The following NALCN variants were observed in gnomAD, a reference collection of about 807,000 sequenced individuals.
NALCN encodes sodium leak channel NALCN.
In NALCN, 111 loss-of-function variants were observed where a neutral mutation model predicts 225.3. The ratio of observed to expected loss-of-function variants is 0.49; its 90% CI spans 0.42 to 0.58. NALCN has a LOEUF of 0.58. NALCN is among the 20% of genes least tolerant of loss of function. The pLI, the probability that NALCN is intolerant of heterozygous loss-of-function variation, is 0.00. For synonymous variants in NALCN, 764 were observed against 769.0 expected (o/e 0.99, Z 0.11); for missense variants, 1,378 against 2,202.4 (o/e 0.63, Z 7.49).
rs765117180 is a variant in NALCN at position 101,107,784 on chromosome 13, G to A, written c.2370C>T (p.Ser790=). Residue 790 remains serine, a synonymous_variant, in exon 21 of 44, where the codon TCC becomes TCT. Transcript: ENST00000251127. ...GTGCATTTCTATATCTCACTGTATT[G>A]GAATGCTAGAAATAAATTAACAGGG... ...KSLETLTQDH[S]NTVRYRNAQR... The A allele has an allele frequency of 8.1e-6, 13 of 1,609,424 alleles. No homozygotes were observed. The highest frequency in any genetic ancestry group is 1.1e-5 in the Non-Finnish European group (13 of 1,178,446).
intron 15 of NALCN, among the ~76,000 whole-genome samples, chr13:101,154,855 G>A (rs2037828215): frequency 6.6e-6 from 1 of 152,212 alleles, no homozygotes; most frequent in African/African-American, 2.4e-5. Flanking sequence ...TACTGGCAAA[G>A]ATGAAAGAGG....
chr13:101,090,630 C>T (rs1270804142), intron 28 of NALCN, among the ~76,000 whole-genome samples: 1 of 152,142 alleles, frequency 6.6e-6, no homozygotes, highest in African/African-American at 2.4e-5. Context: ...TCTCAGTGGA[C>T]TCTTAGTCTG....
intron 26 of NALCN, 72 bp from the exon 27 acceptor site, chr13:101,100,960 T>C (rs1217034785): frequency 6.9e-6 from 8 of 1,156,246 alleles, no homozygotes; most frequent in South Asian, 6.5e-5. Context: ...AACAGTGACA[T>C]AAATAGGACT....
At chr13:101,259,995 A>T (rs532505469) in intron 10 of NALCN, among the ~76,000 whole-genome samples, 17 of 151,180 alleles carry the variant, frequency 1.1e-4, no homozygotes, top group African/African-American at 4.1e-4. Context: ...TTTTGTTCCC[A>T]TTAACCATCC....
chr13:101,082,902 A>G lies in NALCN; in HGVS notation c.3691-19T>C. On this transcript the variant is annotated intron_variant, in intron 32 of 43. Transcript: ENST00000251127. The stretch of plus-strand genomic sequence containing the variant: ...CGTCCCACTGCAACAGAAACAGCAC[A>G]CGAGTCGTTGCCCACGTCCATCGGA... The G allele has an allele frequency of 6.2e-7, 1 of 1,613,916 alleles. No individual in the cohort carries two copies. The highest frequency in any genetic ancestry group is 1.7e-5 in the Admixed American group (1 of 60,020).
At chr13:101,130,885 G>GT (rs1158943340) in intron 17 of NALCN, among the ~76,000 whole-genome samples, 2 of 151,980 alleles carry the variant, frequency 1.3e-5, no homozygotes, top group African/African-American at 4.8e-5. Context: ...ATCTTTTTAT[G>GT]TTTCAGAAAA....
At chr13:101,133,898 G>A (rs1432448531) in intron 17 of NALCN, among the ~76,000 whole-genome samples, 2 of 152,124 alleles carry the variant, frequency 1.3e-5, no homozygotes, top group Admixed American at 1.3e-4. Flanking sequence ...GGCCAGGTGC[G>A]GTGGCTCACG....
intron 6 of NALCN, among the ~76,000 whole-genome samples, chr13:101,371,820 G>T (rs769861749): frequency 6.6e-6 from 1 of 152,104 alleles, no homozygotes; most frequent in Non-Finnish European, 1.5e-5. Context: ...TACGCTCTTA[G>T]TACTGGGCTT....
rs184311433 is a variant in NALCN, at chr13:101,262,626, C to A, written c.1135-4052G>T. ...CAGCTCAAAGAGCTATTTTCCTTAGCTGTGGATTTATGTCTTAAGCAAACT... is the reference window on the plus strand; with the variant it reads ...CAGCTCAAAGAGCTATTTTCCTTAGATGTGGATTTATGTCTTAAGCAAACT... On this transcript the variant is annotated intron_variant, in intron 10 of 43. Coordinates refer to ENST00000251127, the MANE Select transcript of NALCN (RefSeq NM_052867.4). 8.5e-5 allele frequency among the ~76,000 whole-genome samples: 13 copies of A among 152,284 alleles called. No homozygotes were observed. The East Asian group carries it at 1.9e-3, about 23-fold the overall frequency.
chr13:101,063,953 T>C (rs2032164258), intron 40 of NALCN, among the ~76,000 whole-genome samples: 1 of 152,198 alleles, frequency 6.6e-6, no homozygotes, highest in South Asian at 2.1e-4. Context: ...CGGAATGAAA[T>C]ACACCGTATT....
intron 2 of NALCN, among the ~76,000 whole-genome samples, chr13:101,397,128 A>ATC (rs761811840): frequency 7.2e-6 from 1 of 139,342 alleles, no homozygotes; most frequent in Non-Finnish European, 1.5e-5. Context: ...ATACATATAT[A>ATC]TAATGTGTGC....
chr13:101,289,143 C>T (rs2043452347), intron 9 of NALCN, among the ~76,000 whole-genome samples: 1 of 152,136 alleles, frequency 6.6e-6, no homozygotes, highest in Non-Finnish European at 1.5e-5. Context: ...ATCCTTCAAC[C>T]CAATCCACAA....
chr13:101,075,250 T>C (rs1272469328), intron 35 of NALCN, among the ~76,000 whole-genome samples: 5 of 152,116 alleles, frequency 3.3e-5, no homozygotes, highest in Non-Finnish European at 7.3e-5. Flanking sequence ...TTAAAAAATC[T>C]GGAATCTCAT....
chr13:101,133,433 A>G lies in NALCN; in HGVS notation c.2119-8752T>C, dbSNP rs1254557083. On this transcript the variant is annotated intron_variant, in intron 17 of 43. Coordinates refer to ENST00000251127, the MANE Select transcript of NALCN (RefSeq NM_052867.4). ...ACCATAAGACACAAAACCACGGTCC[A>G]ATGAATATGGCTTGATGAATGTCAT... 6.6e-5 allele frequency among the ~76,000 whole-genome samples: 10 copies of G among 152,236 alleles called. No individual in the cohort carries two copies. In the East Asian group the frequency reaches 1.9e-3, roughly 29 times the overall value.
chr13:101,169,613 A>T (rs1363452217), intron 15 of NALCN, among the ~76,000 whole-genome samples: 1 of 152,166 alleles, frequency 6.6e-6, no homozygotes. Flanking sequence ...ATCTCATCCA[A>T]TCCACACCTA....
intron 11 of NALCN, among the ~76,000 whole-genome samples, chr13:101,252,495 G>C (rs866043907): frequency 6.6e-6 from 1 of 152,308 alleles, no homozygotes; most frequent in Non-Finnish European, 1.5e-5. Context: ...TCTGGGGGTG[G>C]AGTGGAATTG....
chr13:101,171,379 A>G (rs2038710041), intron 15 of NALCN, among the ~76,000 whole-genome samples: 1 of 149,828 alleles, frequency 6.7e-6, no homozygotes, highest in East Asian at 1.9e-4. Flanking sequence ...TTAATGTATG[A>G]CATATACATA....
chr13:101,290,933 C>T (rs1048312868), intron 9 of NALCN, among the ~76,000 whole-genome samples: 9 of 152,096 alleles, frequency 5.9e-5, no homozygotes, highest in South Asian at 2.1e-4. Context: ...TAAAGATTCA[C>T]GCTAGAAGAA....
chr13:101,304,758 CT>C (rs769247590), intron 7 of NALCN, among the ~76,000 whole-genome samples: 75 of 122,792 alleles, frequency 6.1e-4, no homozygotes, highest in South Asian at 8.1e-4. Flanking sequence ...TTTTTCTTTT[CT>C]TTTTTTTTTT....
Sources: allele counts gnomAD v4.1 joint callset (sites outside exome capture counted in the v4.1 genomes callset), GRCh38; gene constraint gnomAD v4.1.1; transcripts MANE v1.5; gene names NCBI Gene and HGNC (gene_info 2026-07-23, HGNC 2026-07-21).